Variants in DENND1A observed in about 807,000 individuals in gnomAD.
DENND1A encodes DENN domain-containing protein 1A.
DENND1A carries 51 observed loss-of-function variants against 113.7 expected under a neutral mutation model. The observed-to-expected ratio is 0.45, with a 90% CI of 0.36 to 0.57. DENND1A has a LOEUF of 0.57. Ranked by LOEUF, DENND1A falls within the 20% of genes least tolerant of loss-of-function variation. The probability of loss-of-function intolerance (pLI) is 0.00; values close to 1 mark genes in which losing one functional copy is unlikely to be tolerated. For missense variants in DENND1A, 1,258 were observed against 1,395.9 expected, an observed-to-expected ratio of 0.90 and a Z score of 1.57; for synonymous variants, 565 against 570.8, an observed-to-expected ratio of 0.99 and a Z score of 0.14.
At chr9:123,914,000 G>T (rs989642068) in intron 1 of DENND1A, among the ~76,000 whole-genome samples, 1 of 151,454 alleles carries the variant, frequency 6.6e-6, no homozygotes, top group Non-Finnish European at 1.5e-5. Flanking sequence ...GGTCAGGTCC[G>T]AGAACTATAC....
chr9:123,585,027 A>G (rs986029894), intron 11 of DENND1A, among the ~76,000 whole-genome samples: 13 of 152,184 alleles, frequency 8.5e-5, no homozygotes, highest in African/African-American at 3.1e-4. Context: ...ACCTAAGTAA[A>G]TATTTCAAGA....
chr9:123,699,612 G>T (rs192599641), intron 5 of DENND1A, among the ~76,000 whole-genome samples: 4 of 149,556 alleles, frequency 2.7e-5, no homozygotes, highest in South Asian at 2.1e-4. Context: ...CCAAAACTCA[G>T]TTCCTTTTTT....
intron 3 of DENND1A, among the ~76,000 whole-genome samples, chr9:123,787,848 ACT>A (rs994578118): frequency 1.3e-5 from 2 of 152,208 alleles, no homozygotes; most frequent in Admixed American, 6.6e-5. Context: ...TACAAGAAAC[ACT>A]GTTAGTTTCT....
At chr9:123,878,216 AAT>A (rs1429306105) in intron 2 of DENND1A, among the ~76,000 whole-genome samples, 28 of 148,730 alleles carry the variant, frequency 1.9e-4, no homozygotes, top group African/African-American at 6.7e-4. Context: ...AAAAAAAAAA[AAT>A]AATATTATTA....
intron 21 of DENND1A, among the ~76,000 whole-genome samples, chr9:123,397,947 C>T (rs370600948): frequency 6.6e-6 from 1 of 152,152 alleles, no homozygotes; most frequent in African/African-American, 2.4e-5. Context: ...CCAGTCAAGA[C>T]CCTCGTGTGA....
chr9:123,651,004 T>C (rs2062620352), intron 9 of DENND1A, among the ~76,000 whole-genome samples: 1 of 150,434 alleles, frequency 6.6e-6, no homozygotes, highest in East Asian at 2.0e-4. Flanking sequence ...ACAATGTCAC[T>C]AGTAGAATTT....
intron 4 of DENND1A, among the ~76,000 whole-genome samples, chr9:123,761,639 CCT>C (rs1270439525): frequency 1.3e-5 from 2 of 152,158 alleles, no homozygotes; most frequent in East Asian, 3.9e-4. Flanking sequence ...CAATTGATTC[CCT>C]TTTTTAATTC....
At chr9:123,809,126 G>T (rs564956736) in intron 2 of DENND1A, among the ~76,000 whole-genome samples, 69 of 152,314 alleles carry the variant, frequency 4.5e-4, no homozygotes, top group African/African-American at 1.7e-3. Context: ...AGAAGGAACG[G>T]CACGATGGTT....
intron 5 of DENND1A, among the ~76,000 whole-genome samples, chr9:123,729,256 G>C (rs751200743): frequency 6.6e-6 from 1 of 152,094 alleles, no homozygotes; most frequent in Admixed American, 6.5e-5. Context: ...TGGAAGTTCC[G>C]GCCAGGGCAA....
chr9:123,557,961 C>T (rs1390164456), intron 12 of DENND1A, among the ~76,000 whole-genome samples: 1 of 151,122 alleles, frequency 6.6e-6, no homozygotes, highest in Non-Finnish European at 1.5e-5. Flanking sequence ...CATTGCACTC[C>T]AGCCTGGGCG....
chr9:123,597,104 C>T (rs1340657913), intron 11 of DENND1A, among the ~76,000 whole-genome samples: 1 of 152,200 alleles, frequency 6.6e-6, no homozygotes, highest in Non-Finnish European at 1.5e-5. Context: ...ATTCCTCCCA[C>T]ACAACTGCCA....
chr9:123,651,453 A>G (rs1316383426), intron 9 of DENND1A, among the ~76,000 whole-genome samples: 1 of 152,268 alleles, frequency 6.6e-6, no homozygotes, highest in African/African-American at 2.4e-5. Context: ...AGCTGCGGTG[A>G]AAATGGTGCA....
chr9:123,469,366 G>A (rs545099324), intron 13 of DENND1A, among the ~76,000 whole-genome samples: 132 of 152,370 alleles, frequency 8.7e-4, no homozygotes, highest in African/African-American at 3.0e-3. Context: ...AGGCATGGCC[G>A]GGCTGCCAGT....
chr9:123,658,381 C>A (rs1467184264), intron 8 of DENND1A, among the ~76,000 whole-genome samples: 1 of 151,960 alleles, frequency 6.6e-6, no homozygotes, highest in African/African-American at 2.4e-5. Context: ...TTTTTAAATG[C>A]AGGTCAACTG....
chr9:123,920,067 T>C (rs1335126173), intron 1 of DENND1A, among the ~76,000 whole-genome samples: 15 of 152,140 alleles, frequency 9.9e-5, no homozygotes, highest in Non-Finnish European at 1.5e-5. Flanking sequence ...ATTCTACTTT[T>C]ATAGATGTTT....
At chr9:123,539,094 T>C (rs554375236) in intron 13 of DENND1A, among the ~76,000 whole-genome samples, 1 of 152,166 alleles carries the variant, frequency 6.6e-6, no homozygotes, top group East Asian at 1.9e-4. Flanking sequence ...ATCACCATTT[T>C]TCAACTCCCA....
chr9:123,563,771 A>G (rs755926874), intron 12 of DENND1A, among the ~76,000 whole-genome samples: 4 of 152,180 alleles, frequency 2.6e-5, no homozygotes, highest in African/African-American at 4.8e-5. Context: ...ATTCCTTAGC[A>G]CAATATTTAA....
chr9:123,381,752 G>T lies in DENND1A; in HGVS notation c.2893C>A (p.His965Asn). ...CCCAGCGGCTGTAGGGGGCTCGTGT[G>T]GGTGCCCATGGGCATCTGGCCAAAG... ...NLFGQMPMGT[H>N]TSPLQPLGPP... The change falls in exon 24 of 24, where the codon CAC (histidine) becomes AAC (asparagine). Residue 965 changes from histidine (H) to asparagine (N), a missense_variant. Around this residue, in one of 2 missense-constraint regions of DENND1A, gnomAD observed 1,159 missense variants for 1,231.7 expected, o/e 0.94. Coordinates refer to ENST00000394215, the MANE Select transcript of DENND1A (RefSeq NM_001352964.2). This position sits in a 1 kb window ranked among gnomAD's most constrained non-coding sequence, Gnocchi z 4.7. 6.6e-7 allele frequency: 1 copy of T among 1,509,988 alleles called. No homozygotes were observed. 93.5% of individuals were successfully genotyped at this position (1,509,988 alleles called of 1,614,324 possible).
chr9:123,467,288 C>T (rs906472283), intron 13 of DENND1A, among the ~76,000 whole-genome samples: 1 of 152,044 alleles, frequency 6.6e-6, no homozygotes, highest in South Asian at 2.1e-4. Context: ...GTTGGGATGG[C>T]GAGGCCCCAT....
Sources: gnomAD v4.1 joint callset for allele counts (sites outside exome capture counted in the v4.1 genomes callset) on GRCh38, gnomAD v4.1.1 for gene constraint, gnomAD v4.1.1 regional missense constraint, Gnocchi (gnomAD v3.1) non-coding constraint, MANE v1.5 for transcripts, NCBI Gene and HGNC (gene_info 2026-07-23, HGNC 2026-07-21) for gene names.